Variants in CNTNAP2 observed in about 807,000 individuals in gnomAD.
CNTNAP2 encodes the protein contactin-associated protein-like 2.
A neutral mutation model predicts 155.2 loss-of-function variants in CNTNAP2; 98 were observed. That is an observed-to-expected ratio of 0.63 (90% CI 0.54 to 0.75). CNTNAP2 has a LOEUF of 0.75. Ranked by LOEUF, CNTNAP2 falls within the 30% of genes least tolerant of loss-of-function variation. The pLI is 0.00. For missense variants in CNTNAP2, 1,727 were observed against 1,688.1 expected, an observed-to-expected ratio of 1.02 and a Z score of -0.40; for synonymous variants, 651 against 631.2, an observed-to-expected ratio of 1.03 and a Z score of -0.47.
At chr7:146,772,654 G>A (rs1802315439) in intron 1 of CNTNAP2, among the ~76,000 whole-genome samples, 1 of 152,068 alleles carries the variant, frequency 6.6e-6, no homozygotes, top group Admixed American at 6.5e-5. Flanking sequence ...GGGCAACAGA[G>A]TGACACTCGG....
At chr7:147,201,290 G>A (rs887376990) in intron 8 of CNTNAP2, among the ~76,000 whole-genome samples, 3 of 151,898 alleles carry the variant, frequency 2.0e-5, no homozygotes, top group Non-Finnish European at 2.9e-5. Context: ...AGGGATCTTC[G>A]ATATTTATTA....
chr7:147,757,069 T>C (rs912346938), intron 13 of CNTNAP2, among the ~76,000 whole-genome samples: 1 of 152,192 alleles, frequency 6.6e-6, no homozygotes, highest in African/African-American at 2.4e-5. Context: ...GATGGAATAA[T>C]GTCACCCTAC....
At chr7:146,276,607 C>T (rs1430966683) in intron 1 of CNTNAP2, among the ~76,000 whole-genome samples, 4 of 152,186 alleles carry the variant, frequency 2.6e-5, no homozygotes, top group Admixed American at 6.5e-5. Flanking sequence ...ACTAGATGGA[C>T]ACTTCCAGTT....
Position 147,137,927 on chromosome 7 carries a change from A to AGATG in CNTNAP2, c.1348+5418_1348+5419insGATG, listed in dbSNP as rs781073268. Among the ~76,000 whole-genome samples, 257 of 147,040 alleles carry AGATG rather than the reference A, an allele frequency of 1.7e-3. 3 individuals carry two copies. Among genetic ancestry groups the AGATG allele is most frequent in the Admixed American group, 2.8e-3 (42 of 14,968 alleles). ...TAGATAGATAGATAGGTAGATAGAT[A>AGATG]AAAAGTATTGTCCCTTAAAACTATT... On this transcript the variant is annotated intron_variant, in intron 8 of 23. Transcript: ENST00000361727.
chr7:147,353,983 T>G (rs200572497), intron 9 of CNTNAP2, among the ~76,000 whole-genome samples: 19 of 5,166 alleles, frequency 3.7e-3, no homozygotes, highest in African/African-American at 6.4e-3. Context: ...CTTTTTGATG[T>G]TTTTTTTTTT....
chr7:147,089,796 T>C (rs1162287048), intron 4 of CNTNAP2, among the ~76,000 whole-genome samples: 2 of 152,188 alleles, frequency 1.3e-5, no homozygotes, highest in African/African-American at 4.8e-5. Flanking sequence ...GCTTATATTA[T>C]GCTGATGTGG....
chr7:146,422,724 C>T (rs569035060), intron 1 of CNTNAP2, among the ~76,000 whole-genome samples: 1 of 152,194 alleles, frequency 6.6e-6, no homozygotes, highest in Non-Finnish European at 1.5e-5. Context: ...GGGGCTCAAG[C>T]AATCTGCCTG....
At chr7:148,268,315 G>A (rs565569990) in intron 21 of CNTNAP2, among the ~76,000 whole-genome samples, 7 of 151,974 alleles carry the variant, frequency 4.6e-5, no homozygotes, top group African/African-American at 7.3e-5. Flanking sequence ...AAAAACATGC[G>A]GCAGGGGTCA....
At chr7:147,466,077 G>T (rs1798114681) in intron 10 of CNTNAP2, among the ~76,000 whole-genome samples, 1 of 152,162 alleles carries the variant, frequency 6.6e-6, no homozygotes, top group African/African-American at 2.4e-5. Context: ...ATATACATGG[G>T]AGCCTGTAGA....
chr7:146,606,500 T>C (rs1173917797), intron 1 of CNTNAP2, among the ~76,000 whole-genome samples: 1 of 152,228 alleles, frequency 6.6e-6, no homozygotes, highest in Non-Finnish European at 1.5e-5. Flanking sequence ...ATTTAGAAGA[T>C]TGAAAAATTT....
intron 1 of CNTNAP2, among the ~76,000 whole-genome samples, chr7:146,239,541 T>C (rs1012222217): frequency 6.6e-6 from 1 of 152,212 alleles, no homozygotes; most frequent in African/African-American, 2.4e-5. Flanking sequence ...GTATAGACAC[T>C]GTTTCAATCT....
chr7:147,737,358 G>A (rs1367939574), intron 13 of CNTNAP2, among the ~76,000 whole-genome samples: 1 of 152,158 alleles, frequency 6.6e-6, no homozygotes, highest in Non-Finnish European at 1.5e-5. Flanking sequence ...AACAGCAAAT[G>A]TTGCTGCCTG....
At chr7:148,253,324 C>T (rs1007145540) in intron 20 of CNTNAP2, among the ~76,000 whole-genome samples, 6 of 152,110 alleles carry the variant, frequency 3.9e-5, no homozygotes, top group Non-Finnish European at 2.9e-5. Flanking sequence ...TTTATTATTC[C>T]TCCTTCAAAA....
At chr7:148,410,240 G>A (rs915493366) in intron 23 of CNTNAP2, among the ~76,000 whole-genome samples, 6 of 148,778 alleles carry the variant, frequency 4.0e-5, no homozygotes, top group African/African-American at 1.0e-4. Context: ...TTATCCTTTC[G>A]CATCCAAAAT....
chr7:146,989,797 T>C (rs1360702954), intron 3 of CNTNAP2, among the ~76,000 whole-genome samples: 1 of 152,102 alleles, frequency 6.6e-6, no homozygotes, highest in Non-Finnish European at 1.5e-5. Context: ...GGCTCTCCAT[T>C]GGCAACAGAA....
At chr7:147,539,311 C>T (rs1799600384) in intron 11 of CNTNAP2, among the ~76,000 whole-genome samples, 1 of 152,092 alleles carries the variant, frequency 6.6e-6, no homozygotes. Context: ...CCTCACAAAA[C>T]TCTATGAGAT....
intron 1 of CNTNAP2, among the ~76,000 whole-genome samples, chr7:146,517,924 G>A (rs886785713): frequency 2.0e-5 from 3 of 151,756 alleles, no homozygotes; most frequent in South Asian, 2.1e-4. Context: ...TGGAAGAGGC[G>A]CTTTCAAATT....
chr7:146,505,581 T>C (rs1157825092), intron 1 of CNTNAP2, among the ~76,000 whole-genome samples: 1 of 152,224 alleles, frequency 6.6e-6, no homozygotes, highest in Non-Finnish European at 1.5e-5. Flanking sequence ...GAATGGTCAA[T>C]CATAGAGGCC....
At chr7:148,031,310 G>A (rs12703991) in intron 15 of CNTNAP2, among the ~76,000 whole-genome samples, 49,655 of 152,030 alleles carry the variant, frequency 0.33, 9,647 homozygotes, top group East Asian at 0.77. Flanking sequence ...TCTAATGTAA[G>A]TGCTCTAAGA....
Sources: allele counts gnomAD v4.1 joint callset (sites outside exome capture counted in the v4.1 genomes callset), GRCh38; gene constraint gnomAD v4.1.1; transcripts MANE v1.5; gene names NCBI Gene and HGNC (gene_info 2026-07-23, HGNC 2026-07-21).